IQCM: variants seen among roughly 807,000 people sequenced by gnomAD.
IQCM encodes IQ domain-containing protein M.
A neutral mutation model predicts 57.6 loss-of-function variants in IQCM; 45 were observed. The ratio of observed to expected loss-of-function variants is 0.78; its 90% CI spans 0.62 to 1.00. IQCM has a LOEUF of 1.00. Ranked by LOEUF, IQCM falls within the 50% of genes least tolerant of loss-of-function variation. The pLI, the probability that IQCM is intolerant of heterozygous loss-of-function variation, is 0.00. For missense variants in IQCM, 468 were observed against 511.6 expected, an observed-to-expected ratio of 0.91 and a Z score of 0.82; for synonymous variants, 148 against 158.9, an observed-to-expected ratio of 0.93 and a Z score of 0.51.
intron 12 of IQCM, among the ~76,000 whole-genome samples, chr4:149,468,688 C>T (rs749995926): frequency 3.8e-4 from 58 of 152,280 alleles, no homozygotes; most frequent in Non-Finnish European, 7.2e-4. Context: ...CAAGTGGGTC[C>T]CTGACCCCCG....
chr4:149,450,411 C>T (rs1436250023), intron 12 of IQCM, among the ~76,000 whole-genome samples: 1 of 151,712 alleles, frequency 6.6e-6, no homozygotes. Context: ...AAACAGTCAT[C>T]AAAGTGAGAA....
intron 12 of IQCM, among the ~76,000 whole-genome samples, chr4:149,442,953 C>CAG (rs56890715): frequency 0.011 from 1,063 of 98,036 alleles, 6 homozygotes; most frequent in Non-Finnish European, 0.017. Flanking sequence ...CACACACACA[C>CAG]AGAGAGAGAG....
rs142945188 is a variant in IQCM, at chr4:149,739,239, A to G, written c.37+3416T>C. ...TCACACTATTTTGTGCTTGAATTCC[A>G]GTTTGCTCATGAACCTTATTGTCTT... On this transcript the variant is annotated intron_variant, in intron 3 of 13. Transcript: ENST00000636793. Among the ~76,000 whole-genome samples, 7 of 152,222 alleles carry G rather than the reference A, an allele frequency of 4.6e-5. No individual in the cohort carries two copies. The East Asian group carries it at 1.4e-3, about 29-fold the overall frequency.
intron 7 of IQCM, among the ~76,000 whole-genome samples, chr4:149,680,684 A>G (rs1028316141): frequency 2.0e-5 from 3 of 151,418 alleles, no homozygotes; most frequent in African/African-American, 7.2e-5. Flanking sequence ...ACATTTCACA[A>G]TTCAGCAGAA....
intron 2 of IQCM, among the ~76,000 whole-genome samples, chr4:149,782,611 A>G (rs1771710561): frequency 6.6e-6 from 1 of 152,014 alleles, no homozygotes; most frequent in Non-Finnish European, 1.5e-5. Flanking sequence ...AAAGAAAGAA[A>G]AAAAAAGTGG....
At position 149,433,503 on chromosome 4, in the gene IQCM, A is replaced by C; in HGVS notation, c.1283T>G (p.Leu428Ter). The C allele has an allele frequency of 8.3e-7, 1 of 1,205,752 alleles. No homozygotes were observed. Among genetic ancestry groups the C allele is most frequent in the Non-Finnish European group, 1.0e-6 (1 of 964,276 alleles). The allele number at this position is 1,205,752 out of a possible 1,614,324, so 74.7% of individuals were successfully genotyped here. A position where few individuals can be genotyped will look rare whatever the true frequency, so the allele number is the denominator to read the frequency against. The change falls in exon 13 of 14, where the codon TTA becomes TGA. Residue 428 changes from leucine to a stop codon, truncating the protein, a stop_gained. Coordinates refer to ENST00000636793, the MANE Select transcript of IQCM (RefSeq NM_001363507.2). LOFTEE classifies it high-confidence loss of function. ...ACCTTCAGGAGGATAGAGTGTAAATAACATTTCAATTGCTTTGGACTTTTT... is the reference window on the plus strand; with the variant it reads ...ACCTTCAGGAGGATAGAGTGTAAATCACATTTCAATTGCTTTGGACTTTTT... Reference protein sequence around the residue: ...LIKKSKAIEMLFTLYPPEGAH... With the variant: ...LIKKSKAIEM
intron 9 of IQCM, among the ~76,000 whole-genome samples, chr4:149,568,226 G>A (rs1027165226): frequency 3.9e-5 from 6 of 151,996 alleles, no homozygotes; most frequent in African/African-American, 9.7e-5. Context: ...TCCAGGTCAC[G>A]GTCTCTGGAA....
At chr4:149,718,652 C>CA (rs1442972034) in intron 5 of IQCM, among the ~76,000 whole-genome samples, 4 of 152,206 alleles carry the variant, frequency 2.6e-5, no homozygotes, top group African/African-American at 9.6e-5. Flanking sequence ...TGGAGGCCAG[C>CA]AGTCCAGAAT....
intron 2 of IQCM, among the ~76,000 whole-genome samples, chr4:149,806,680 AAGTCATC>A (rs1774108837): frequency 6.6e-6 from 1 of 152,008 alleles, no homozygotes; most frequent in Admixed American, 6.6e-5. Flanking sequence ...TTTTTAATAA[AAGTCATC>A]AGTAAATAAA....
intron 8 of IQCM, among the ~76,000 whole-genome samples, chr4:149,616,555 T>C (rs1302746332): frequency 6.6e-6 from 1 of 152,162 alleles, no homozygotes; most frequent in South Asian, 2.1e-4. Flanking sequence ...GCCAAAGAAC[T>C]ATAAACTTAA....
intron 12 of IQCM, among the ~76,000 whole-genome samples, chr4:149,525,706 A>G (rs1280539174): frequency 6.6e-6 from 1 of 151,908 alleles, no homozygotes; most frequent in Non-Finnish European, 1.5e-5. Context: ...TGGAGTTTGA[A>G]AAATGTTTTT....
chr4:149,595,724 A>G (rs1370712044), intron 8 of IQCM, among the ~76,000 whole-genome samples: 1 of 152,148 alleles, frequency 6.6e-6, no homozygotes, highest in East Asian at 1.9e-4. Flanking sequence ...TCACAAGCCA[A>G]TCTCTTTACA....
intron 10 of IQCM, among the ~76,000 whole-genome samples, chr4:149,556,293 G>T (rs1749570572): frequency 6.7e-6 from 1 of 150,184 alleles, no homozygotes; most frequent in Non-Finnish European, 1.5e-5. Flanking sequence ...GCTTGATATG[G>T]TCATGTCTTT....
At chr4:149,530,573 G>A (rs972817441) in intron 12 of IQCM, among the ~76,000 whole-genome samples, 2 of 152,114 alleles carry the variant, frequency 1.3e-5, no homozygotes, top group Non-Finnish European at 2.9e-5. Context: ...AAAGGGACTG[G>A]AAATAGATTA....
At chr4:149,719,157 C>T (rs2149849403) in intron 5 of IQCM, among the ~76,000 whole-genome samples, 1 of 151,918 alleles carries the variant, frequency 6.6e-6, no homozygotes, top group African/African-American at 2.4e-5. Context: ...CCAGCCTGGC[C>T]AACACGGTGA....
chr4:149,610,941 G>A (rs1342317441), intron 8 of IQCM, among the ~76,000 whole-genome samples: 2 of 152,020 alleles, frequency 1.3e-5, no homozygotes, highest in East Asian at 1.9e-4. Context: ...ACGAATGGGG[G>A]AAAATATTTG....
At chr4:149,579,386 C>G (rs1458746941) in intron 9 of IQCM, among the ~76,000 whole-genome samples, 2 of 151,836 alleles carry the variant, frequency 1.3e-5, no homozygotes, top group Non-Finnish European at 2.9e-5. Flanking sequence ...CCAATATGCT[C>G]TAACTCAGGT....
At chr4:149,518,951 C>T (rs954123674) in intron 12 of IQCM, among the ~76,000 whole-genome samples, 5 of 152,156 alleles carry the variant, frequency 3.3e-5, no homozygotes, top group African/African-American at 4.8e-5. Context: ...TATTAAGCTT[C>T]CTTGCCCACC....
chr4:149,621,543 ACTT>A (rs1756337807), intron 7 of IQCM, among the ~76,000 whole-genome samples: 1 of 152,084 alleles, frequency 6.6e-6, no homozygotes, highest in Non-Finnish European at 1.5e-5. Flanking sequence ...AAGAACATCA[ACTT>A]CTTTTTTTTT....
Sources: allele counts gnomAD v4.1 joint callset (sites outside exome capture counted in the v4.1 genomes callset), GRCh38; gene constraint gnomAD v4.1.1; transcripts MANE v1.5; gene names NCBI Gene and HGNC (gene_info 2026-07-23, HGNC 2026-07-21).